NBPF11: variants seen among roughly 807,000 people sequenced by gnomAD.
NBPF11 encodes NBPF member 11.
A neutral mutation model predicts 93.9 loss-of-function variants in NBPF11; 72 were observed. The observed-to-expected ratio is 0.77, with a 90% CI of 0.63 to 0.93. NBPF11 has a LOEUF of 0.93. Among genes scored for constraint, NBPF11 ranks in the 40% least tolerant of loss-of-function variants. NBPF11 has a pLI of 0.00. For missense variants in NBPF11, 705 were observed against 802.2 expected (o/e 0.88, Z 1.46); for synonymous variants, 224 against 304.9 (o/e 0.73, Z 2.76).
At chr1:148,134,011 C>T (rs1350571884) in intron 4 of NBPF11, among the ~76,000 whole-genome samples, 55 of 152,076 alleles carry the variant, frequency 3.6e-4, no homozygotes, top group Non-Finnish European at 6.3e-4. Flanking sequence ...AGTCCCACGG[C>T]CTGTCCTCTA....
chr1:148,146,664 C>T (rs1673155684), intron 1 of NBPF11: 1 of 1,611,760 alleles, frequency 6.2e-7, no homozygotes, highest in African/African-American at 1.3e-5. Context: ...AGGTCTTCCC[C>T]ACCAAGAGCG....
chr1:148,109,246 C>T, intron 17 of NBPF11, 38 bp downstream of exon 17: 1 of 851,096 alleles, frequency 1.2e-6, no homozygotes, highest in Non-Finnish European at 2.0e-6. Context: ...CTCCAGGTGT[C>T]AACATCAAAT....
rs1344719542 is a variant in NBPF11 at position 148,106,528 on chromosome 1, G to T, written c.2252-296C>A. Among the ~76,000 whole-genome samples, 3 of 138,174 alleles carry T rather than the reference G, an allele frequency of 2.2e-5. 1 individual carries two copies. The highest frequency in any genetic ancestry group is 6.0e-5 in the African/African-American group (2 of 33,460). The allele number at this position is 138,174 out of a possible 152,430, so 90.6% of individuals were successfully genotyped here. A position where few individuals can be genotyped will look rare whatever the true frequency, so the allele number is the denominator to read the frequency against. ...ATCAGTTCAAAGAAAATGCCCCAGA[G>T]GATTTCTAGGAGGAAAACTAAAGTA... On this transcript the variant is annotated intron_variant, in intron 20 of 23. Coordinates refer to ENST00000682118, the MANE Select transcript of NBPF11 (RefSeq NM_001385469.3).
At chr1:148,105,227 A>C in intron 22 of NBPF11, 133 bp downstream of exon 22, 1 of 602,346 alleles carries the variant, frequency 1.7e-6, no homozygotes, top group East Asian at 2.9e-5. Flanking sequence ...GTTTCATTCA[A>C]CCTACATGTG....
In NBPF11 at chr1:148,143,496, C is replaced by A. The variant is rs1456022411; in HGVS notation, c.-358G>T. 1.1e-4 allele frequency: 73 copies of A among 669,752 alleles called. No homozygotes were observed. The African/African-American group carries it at 1.5e-3, about 13-fold the overall frequency. The allele number at this position is 669,752 out of a possible 1,614,324, so 41.5% of individuals were successfully genotyped here. The stretch of plus-strand genomic sequence containing the variant: ...GCACTGAATGGGTAAGTTTCTACAT[C>A]GGTGCCTCGGAGAGTCCACCAGAAG... On this transcript the variant is annotated 5_prime_UTR_variant, in exon 2 of 24. Transcript: ENST00000682118.
chr1:148,126,065 A>G (rs1296510190), intron 5 of NBPF11, among the ~76,000 whole-genome samples: 4 of 151,832 alleles, frequency 2.6e-5, no homozygotes, highest in Non-Finnish European at 5.9e-5. Flanking sequence ...CAATAGTGCA[A>G]TCTTGACTCA....
chr1:148,122,958 C>T (rs1668229726), intron 7 of NBPF11, among the ~76,000 whole-genome samples, 157 bp from the exon 8 acceptor site: 1 of 137,166 alleles, frequency 7.3e-6, no homozygotes, highest in Non-Finnish European at 1.7e-5. Flanking sequence ...GGCATGGTTT[C>T]CTGGTCCATC....
intron 15 of NBPF11, among the ~76,000 whole-genome samples, chr1:148,111,215 A>G (rs1553268575): frequency 6.6e-6 from 1 of 152,100 alleles, no homozygotes; most frequent in African/African-American, 2.4e-5. Context: ...AACATCAACA[A>G]AAAAGACATC....
At chr1:148,112,009 C>G (rs1162919180) in intron 15 of NBPF11, among the ~76,000 whole-genome samples, 1 of 148,510 alleles carries the variant, frequency 6.7e-6, no homozygotes, top group South Asian at 2.1e-4. Flanking sequence ...AGAGAAAGGT[C>G]GGATTACCCA....
chr1:148,114,251 C>A (rs1247425757), intron 15 of NBPF11, among the ~76,000 whole-genome samples, 186 bp downstream of exon 15: 1 of 151,658 alleles, frequency 6.6e-6, no homozygotes, highest in Admixed American at 6.6e-5. Context: ...AAGTTCCTAT[C>A]TTGAGAGGAC....
In NBPF11 at chr1:148,152,007, G is replaced by A. The variant is rs1237136630; in HGVS notation, c.-806C>T. ...AGGGTCCGGATGGGCCGTGTCAGGAGAGCCCAAGGCACAGGCGCAGCTGGG... is the reference window on the plus strand; with the variant it reads ...AGGGTCCGGATGGGCCGTGTCAGGAAAGCCCAAGGCACAGGCGCAGCTGGG... On this transcript the variant is annotated 5_prime_UTR_variant, in exon 1 of 24. Coordinates refer to ENST00000682118, the MANE Select transcript of NBPF11 (RefSeq NM_001385469.3). The A allele has an allele frequency of 6.6e-6, 1 of 152,142 alleles. No homozygotes were observed. The highest frequency in any genetic ancestry group is 1.5e-5 in the Non-Finnish European group (1 of 68,126). The allele number at this position is 152,142 out of a possible 1,614,324, so 9.4% of individuals were successfully genotyped here.
rs2149157061 is a variant in NBPF11, at chr1:148,103,811, G to C, written c.*85C>G. The stretch of plus-strand genomic sequence containing the variant: ...AAACACACTTCTGTAGTGCTGGAAT[G>C]AGTCAGGTAGTTCAAAGTACATTGA... On this transcript the variant is annotated 3_prime_UTR_variant, in exon 24 of 24. Transcript: ENST00000682118. 6.2e-7 allele frequency: 1 copy of C among 1,611,884 alleles called. No homozygotes were observed. Among genetic ancestry groups the C allele is most frequent in the Non-Finnish European group, 8.5e-7 (1 of 1,179,466 alleles).
chr1:148,126,150 G>A lies in NBPF11; in HGVS notation c.175+679C>T, dbSNP rs1472917507. 8.6e-5 allele frequency among the ~76,000 whole-genome samples: 13 copies of A among 151,740 alleles called. No individual in the cohort carries two copies. The South Asian group carries it at 1.0e-3, about 12-fold the overall frequency. On this transcript the variant is annotated intron_variant, in intron 5 of 23. Transcript: ENST00000682118. ...CGATTAGTGGTGATTACAGTTGCCC[G>A]CCACGACGCCCATCTACTTTTTGTA...
At chr1:148,131,251 C>T (rs1670288636) in intron 4 of NBPF11, among the ~76,000 whole-genome samples, 1 of 150,190 alleles carries the variant, frequency 6.7e-6, no homozygotes, top group South Asian at 2.1e-4. Context: ...TTTTCCTGGG[C>T]CTTAAAGCAT....
chr1:148,144,505 G>T (rs1571495829), intron 1 of NBPF11, among the ~76,000 whole-genome samples: 1 of 151,858 alleles, frequency 6.6e-6, no homozygotes, highest in South Asian at 2.1e-4. Context: ...GTCAAGTACT[G>T]AGAATACAGT....
At chr1:148,111,771 G>A (rs1378655650) in intron 15 of NBPF11, among the ~76,000 whole-genome samples, 110 of 151,778 alleles carry the variant, frequency 7.2e-4, no homozygotes, top group African/African-American at 2.2e-3. Context: ...CCAAATCTAC[G>A]TTTGATTGGT....
chr1:148,122,666 C>T (rs202219185), intron 8 of NBPF11, 63 bp downstream of exon 8: 139 of 1,595,426 alleles, frequency 8.7e-5, no homozygotes, highest in African/African-American at 6.9e-4. Context: ...CCAGAGAGGG[C>T]GTGCCTCCTA....
chr1:148,110,323 G>A (rs1664946351), intron 16 of NBPF11, 55 bp downstream of exon 16: 2 of 1,561,464 alleles, frequency 1.3e-6, no homozygotes, highest in Admixed American at 1.7e-5. Context: ...AAAGATTATG[G>A]GGTCTACCTG....
intron 17 of NBPF11, 35 bp from the exon 18 acceptor site, chr1:148,108,689 G>C (rs1235380967): frequency 8.7e-6 from 7 of 803,644 alleles, no homozygotes; most frequent in African/African-American, 7.0e-5. Flanking sequence ...AATAAGCCAG[G>C]GGGAATCAGA....
Sources: gnomAD v4.1 joint callset for allele counts (sites outside exome capture counted in the v4.1 genomes callset) on GRCh38, gnomAD v4.1.1 for gene constraint, MANE v1.5 for transcripts, NCBI Gene and HGNC (gene_info 2026-07-23, HGNC 2026-07-21) for gene names.